TENM3: variants seen among roughly 807,000 people sequenced by gnomAD.
TENM3 encodes the protein teneurin transmembrane protein 3, also known as teneurin-3.
TENM3 carries 63 observed loss-of-function variants against 255.1 expected under a neutral mutation model. The observed-to-expected ratio is 0.25, with a 90% CI of 0.20 to 0.30. The LOEUF is 0.30. TENM3 is among the 10% of genes least tolerant of loss of function. TENM3 has a pLI of 1.00. For missense variants in TENM3, 2,929 were observed against 3,461.1 expected, an observed-to-expected ratio of 0.85 and a Z score of 3.86; for synonymous variants, 1,306 against 1,322.3, an observed-to-expected ratio of 0.99 and a Z score of 0.27.
At chr4:181,653,928 A>G in the TENM3 span, among the ~76,000 whole-genome samples, 2 of 151,528 alleles carry the variant, frequency 1.3e-5, no homozygotes, top group African/African-American at 4.9e-5. Flanking sequence ...GCGTTCTCAC[A>G]GTCTAGTGTT....
chr4:181,896,437 T>G, the TENM3 span, among the ~76,000 whole-genome samples: 1 of 152,176 alleles, frequency 6.6e-6, no homozygotes. Flanking sequence ...TGAAAAGTCT[T>G]ACTGAAGTTA....
chr4:181,508,305 G>A, the TENM3 span, among the ~76,000 whole-genome samples: 1 of 152,168 alleles, frequency 6.6e-6, no homozygotes, highest in Non-Finnish European at 1.5e-5. Context: ...GACAGCAGGG[G>A]TCCTAACAAA....
the TENM3 span, among the ~76,000 whole-genome samples, chr4:182,084,564 A>G: frequency 4.7e-4 from 72 of 152,288 alleles, no homozygotes; most frequent in African/African-American, 1.6e-3. Context: ...AAGCTACAAA[A>G]TTTATATATT....
chr4:182,217,004 T>C (rs1265234004), intron 1 of TENM3, among the ~76,000 whole-genome samples: 1 of 130,590 alleles, frequency 7.7e-6, no homozygotes, highest in Non-Finnish European at 1.6e-5. Flanking sequence ...ACCATCATTT[T>C]CTTTCTTTTT....
the TENM3 span, among the ~76,000 whole-genome samples, chr4:181,604,264 A>G: frequency 1.3e-5 from 2 of 152,014 alleles, no homozygotes; most frequent in South Asian, 2.1e-4. Context: ...GACTCCGTCT[A>G]AAAAAAAGAA....
At chr4:181,912,849 G>A in the TENM3 span, among the ~76,000 whole-genome samples, 1 of 152,048 alleles carries the variant, frequency 6.6e-6, no homozygotes, top group African/African-American at 2.4e-5. Flanking sequence ...ATCTCTACTT[G>A]AGAGATAAGG....
At chr4:182,187,508 G>A (rs953798360) in intron 1 of TENM3, among the ~76,000 whole-genome samples, 1 of 152,090 alleles carries the variant, frequency 6.6e-6, no homozygotes, top group Admixed American at 6.6e-5. Flanking sequence ...CATCCAAATG[G>A]GAAAGCCTCC....
chr4:182,735,418 C>T (rs1057186945), intron 16 of TENM3, among the ~76,000 whole-genome samples: 1 of 152,166 alleles, frequency 6.6e-6, no homozygotes, highest in Admixed American at 6.5e-5. Context: ...CAGCTCCACC[C>T]TCAGTACAAG....
intron 3 of TENM3, among the ~76,000 whole-genome samples, chr4:182,524,352 CTTTTTTTTTTTT>C (rs138783384): frequency 5.0e-5 from 3 of 59,444 alleles, no homozygotes; most frequent in African/African-American, 7.1e-5. Context: ...CACTGATGAG[CTTTTTTTTTTTT>C]TTTTTTTTTT....
chr4:181,957,976 T>C, the TENM3 span, among the ~76,000 whole-genome samples: 1 of 152,212 alleles, frequency 6.6e-6, no homozygotes, highest in Non-Finnish European at 1.5e-5. Context: ...TTTCTTCTAA[T>C]TATCTCCTGA....
chr4:182,266,135 C>A (rs1413690239), intron 1 of TENM3, among the ~76,000 whole-genome samples: 1 of 152,158 alleles, frequency 6.6e-6, no homozygotes, highest in Non-Finnish European at 1.5e-5. Context: ...TGGATAGACT[C>A]CACACCTAGT....
intron 14 of TENM3, among the ~76,000 whole-genome samples, chr4:182,729,526 T>A (rs1760508959): frequency 6.6e-6 from 1 of 152,066 alleles, no homozygotes; most frequent in South Asian, 2.1e-4. Flanking sequence ...TTTTTTTAGC[T>A]GAGCTCACTA....
chr4:182,321,148 G>A (rs567498636), intron 1 of TENM3, among the ~76,000 whole-genome samples: 1 of 152,146 alleles, frequency 6.6e-6, no homozygotes, highest in Admixed American at 6.5e-5. Context: ...AAAAGATCAA[G>A]ATGATTTGGA....
In TENM3 at chr4:182,793,263, A is replaced by G; in HGVS notation, c.6591A>G (p.Leu2197=). ...VQYRLDEDGF[L]RQRGTEIFEY... is the part of the protein sequence containing the mutation. ...ATCGGTTGGATGAAGATGGTTTCCT[A>G]CGTCAAAGGGGCACGGAAATCTTTG... Residue 2197 remains leucine, a synonymous_variant, in exon 26 of 28, where the codon CTA becomes CTG. Coordinates refer to ENST00000511685, the MANE Select transcript of TENM3 (RefSeq NM_001080477.4). The surrounding 1 kb of genome is among the most constrained non-coding windows in gnomAD (Gnocchi z 5.7). The G allele has an allele frequency of 6.2e-7, 1 of 1,613,880 alleles. No homozygotes were observed. The highest frequency in any genetic ancestry group is 8.5e-7 in the Non-Finnish European group (1 of 1,179,824).
At chr4:181,496,603 A>C in the TENM3 span, among the ~76,000 whole-genome samples, 1 of 152,230 alleles carries the variant, frequency 6.6e-6, no homozygotes, top group Admixed American at 6.5e-5. Flanking sequence ...CCTTTTTAAA[A>C]AAAATCATAG....
chr4:181,734,470 G>A, the TENM3 span, among the ~76,000 whole-genome samples: 1 of 151,980 alleles, frequency 6.6e-6, no homozygotes, highest in East Asian at 1.9e-4. Context: ...ACTAACAATG[G>A]AGGAAGTTGA....
chr4:181,636,672 C>T, the TENM3 span, among the ~76,000 whole-genome samples: 5 of 152,194 alleles, frequency 3.3e-5, no homozygotes, highest in Admixed American at 3.3e-4. Context: ...TGCAGCGCCT[C>T]AGTGCAAGCG....
chr4:181,932,558 C>T, the TENM3 span, among the ~76,000 whole-genome samples: 10 of 152,144 alleles, frequency 6.6e-5, no homozygotes, highest in Non-Finnish European at 1.2e-4. Flanking sequence ...ACTTTAACAC[C>T]GTTGGTGGGA....
chr4:182,391,291 T>C (rs1181746239), intron 3 of TENM3, among the ~76,000 whole-genome samples: 1 of 152,228 alleles, frequency 6.6e-6, no homozygotes, highest in African/African-American at 2.4e-5. Context: ...GAGGCCCAGA[T>C]AAATTAACTA....
Sources: gnomAD v4.1 joint callset for allele counts (sites outside exome capture counted in the v4.1 genomes callset) on GRCh38, gnomAD v4.1.1 for gene constraint, Gnocchi (gnomAD v3.1) non-coding constraint, MANE v1.5 for transcripts, NCBI Gene and HGNC (gene_info 2026-07-23, HGNC 2026-07-21) for gene names.